The following ITFG1 variants were observed in gnomAD, a reference collection of about 807,000 sequenced individuals.
ITFG1 encodes T-cell immunomodulatory protein.
In ITFG1, 34 loss-of-function variants were observed where a neutral mutation model predicts 81.8. That is an observed-to-expected ratio of 0.42 (90% CI 0.32 to 0.55). ITFG1 has a LOEUF of 0.55. Among genes scored for constraint, ITFG1 ranks in the 20% least tolerant of loss-of-function variants. ITFG1 has a pLI of 0.17. For missense variants in ITFG1, 672 were observed against 755.4 expected, an observed-to-expected ratio of 0.89 and a Z score of 1.29; for synonymous variants, 285 against 270.6, an observed-to-expected ratio of 1.05 and a Z score of -0.52.
intron 14 of ITFG1, among the ~76,000 whole-genome samples, chr16:47,187,966 A>C (rs1393532622): frequency 6.6e-6 from 1 of 152,094 alleles, no homozygotes; most frequent in Non-Finnish European, 1.5e-5. Context: ...ATGAACAGAC[A>C]CTTCTCAAAA....
chr16:47,233,445 CACTT>C (rs2151532501), intron 13 of ITFG1, among the ~76,000 whole-genome samples: 1 of 152,342 alleles, frequency 6.6e-6, no homozygotes, highest in East Asian at 1.9e-4. Flanking sequence ...GGAACCCTCA[CACTT>C]ACACTTTTGT....
At chr16:47,209,914 A>G (rs1965545029) in intron 14 of ITFG1, among the ~76,000 whole-genome samples, 1 of 152,132 alleles carries the variant, frequency 6.6e-6, no homozygotes, top group Non-Finnish European at 1.5e-5. Context: ...GTAGTGTTTC[A>G]TGGCATGGAT....
intron 13 of ITFG1, among the ~76,000 whole-genome samples, chr16:47,233,273 C>T (rs1204906247): frequency 1.3e-5 from 2 of 152,158 alleles, no homozygotes; most frequent in African/African-American, 4.8e-5. Context: ...ACTGGAGAGA[C>T]AGACAGGTGG....
chr16:47,407,482 C>A (rs555312602), intron 6 of ITFG1, among the ~76,000 whole-genome samples: 1 of 152,120 alleles, frequency 6.6e-6, no homozygotes, highest in Non-Finnish European at 1.5e-5. Context: ...TCCCTAGTAA[C>A]TGGGATTACA....
intron 14 of ITFG1, among the ~76,000 whole-genome samples, chr16:47,178,045 T>C (rs1965052038): frequency 6.6e-6 from 1 of 152,222 alleles, no homozygotes; most frequent in African/African-American, 2.4e-5. Context: ...AATAAAGATA[T>C]TAACATTTAA....
chr16:47,245,030 T>C (rs1244539386), intron 12 of ITFG1, among the ~76,000 whole-genome samples: 1 of 152,154 alleles, frequency 6.6e-6, no homozygotes, highest in Non-Finnish European at 1.5e-5. Flanking sequence ...AGCAGACTAA[T>C]ACACATACAT....
chr16:47,397,399 A>G (rs1022235314), intron 6 of ITFG1, among the ~76,000 whole-genome samples: 4 of 152,204 alleles, frequency 2.6e-5, no homozygotes, highest in African/African-American at 9.7e-5. Context: ...GGCTAACAAG[A>G]TAAGTAAGCA....
In ITFG1 at chr16:47,410,436, T is replaced by C. The variant is rs578160547; in HGVS notation, c.655+18368A>G. Among the ~76,000 whole-genome samples the C allele has an allele frequency of 1.5e-3, 234 of 152,168 alleles. 2 individuals are homozygous for C. The highest frequency in any genetic ancestry group is 5.4e-3 in the African/African-American group (223 of 41,512). ...GTAATCAAAATAAGATATAGAGTGATTCAGCACAAGACGGCTGACTAGACA... is the reference window on the plus strand; with the variant it reads ...GTAATCAAAATAAGATATAGAGTGACTCAGCACAAGACGGCTGACTAGACA... On this transcript the variant is annotated intron_variant, in intron 6 of 17. Coordinates refer to ENST00000320640, the MANE Select transcript of ITFG1 (RefSeq NM_030790.5).
intron 13 of ITFG1, among the ~76,000 whole-genome samples, chr16:47,221,185 T>C (rs1393856564): frequency 6.6e-6 from 1 of 152,142 alleles, no homozygotes; most frequent in Non-Finnish European, 1.5e-5. Flanking sequence ...GGGTTTGTCT[T>C]TTTTTAATGG....
chr16:47,266,864 T>A (rs979063032), intron 10 of ITFG1, among the ~76,000 whole-genome samples: 7 of 152,130 alleles, frequency 4.6e-5, no homozygotes, highest in African/African-American at 1.4e-4. Context: ...AAAATTCTAT[T>A]TGGCCAAAAA....
intron 14 of ITFG1, among the ~76,000 whole-genome samples, chr16:47,179,201 A>G (rs1305079035): frequency 1.3e-5 from 2 of 152,218 alleles, no homozygotes; most frequent in Non-Finnish European, 2.9e-5. Context: ...TAGAAATACC[A>G]TTTGACCCAG....
chr16:47,403,425 G>A (rs970997616), intron 6 of ITFG1, among the ~76,000 whole-genome samples: 1 of 152,112 alleles, frequency 6.6e-6, no homozygotes, highest in Non-Finnish European at 1.5e-5. Flanking sequence ...AAAAAAGGAG[G>A]TTAGGGGGTG....
At chr16:47,169,918 T>G (rs1306483886) in intron 14 of ITFG1, among the ~76,000 whole-genome samples, 2 of 152,228 alleles carry the variant, frequency 1.3e-5, no homozygotes, top group Non-Finnish European at 2.9e-5. Context: ...TGTCAAATTT[T>G]TTTTAGTATC....
chr16:47,367,594 A>G (rs985852802), intron 7 of ITFG1, among the ~76,000 whole-genome samples: 1 of 152,228 alleles, frequency 6.6e-6, no homozygotes, highest in Admixed American at 6.5e-5. Context: ...CACAATCTGC[A>G]AGTTGGTTTC....
chr16:47,363,504 A>G (rs1000745281), intron 8 of ITFG1, among the ~76,000 whole-genome samples: 2 of 152,116 alleles, frequency 1.3e-5, no homozygotes, highest in Admixed American at 6.6e-5. Flanking sequence ...AGAAGCTGAG[A>G]CTACAGGTAC....
In ITFG1 at chr16:47,335,658, C is replaced by T. The variant is rs572523642; in HGVS notation, c.803-21835G>A. On this transcript the variant is annotated intron_variant, in intron 8 of 17. Transcript: ENST00000320640. ...AGCATCATTAGTCATAAGGGAAATG[C>T]AAATAAATGGCAAAATAAGACACCA... Among the ~76,000 whole-genome samples, 29 of 152,128 alleles carry T rather than the reference C, an allele frequency of 1.9e-4. No individual in the cohort carries two copies. In the East Asian group the frequency reaches 5.2e-3, roughly 27 times the overall value.
chr16:47,389,529 T>C (rs58251914), intron 6 of ITFG1, among the ~76,000 whole-genome samples: 19,761 of 152,116 alleles, frequency 0.13, 2,917 homozygotes, highest in African/African-American at 0.36. Flanking sequence ...GTTAATATAA[T>C]AAACATTGTA....
intron 8 of ITFG1, among the ~76,000 whole-genome samples, chr16:47,336,534 C>T (rs1047261087): frequency 6.6e-6 from 1 of 152,120 alleles, no homozygotes; most frequent in Non-Finnish European, 1.5e-5. Flanking sequence ...TTTTGGCTAA[C>T]TTGAAACTAA....
intron 8 of ITFG1, among the ~76,000 whole-genome samples, chr16:47,352,153 G>T (rs1165787135): frequency 6.6e-6 from 1 of 152,114 alleles, no homozygotes; most frequent in Non-Finnish European, 1.5e-5. Context: ...CATGGGGAAG[G>T]ACTTCATGTC....
Sources: allele counts gnomAD v4.1 joint callset (sites outside exome capture counted in the v4.1 genomes callset), GRCh38; gene constraint gnomAD v4.1.1; transcripts MANE v1.5; gene names NCBI Gene and HGNC (gene_info 2026-07-23, HGNC 2026-07-21).